CLOCK: variants seen among roughly 807,000 people sequenced by gnomAD.
The protein encoded by CLOCK is circadian locomoter output cycles protein kaput.
In CLOCK, 43 loss-of-function variants were observed where a neutral mutation model predicts 118.4. That is an observed-to-expected ratio of 0.36 (90% CI 0.28 to 0.47). The LOEUF (loss-of-function observed/expected upper bound fraction) is 0.47, where lower values mean the gene tolerates loss of function less well. Ranked by LOEUF, CLOCK falls within the 20% of genes least tolerant of loss-of-function variation. CLOCK has a pLI of 1.00. For synonymous variants in CLOCK, 326 were observed against 339.2 expected, an observed-to-expected ratio of 0.96 and a Z score of 0.43; for missense variants, 846 against 999.9, an observed-to-expected ratio of 0.85 and a Z score of 2.08.
chr4:55,545,357 A>C (rs1731543560), intron 1 of CLOCK: 2 of 152,176 alleles, frequency 1.3e-5, no homozygotes. Flanking sequence ...TCCTTTTAAG[A>C]ATGTTTATTT....
At chr4:55,470,956 C>G (rs536457674) in intron 7 of CLOCK, 150 bp from the exon 8 acceptor site, 1 of 626,138 alleles carries the variant, frequency 1.6e-6, no homozygotes, top group Non-Finnish European at 2.8e-6. Context: ...CTTTACAATA[C>G]CTTGGTATGT....
chr4:55,448,591 CGCACGCGCGCGTGT>C (rs1205030197), intron 18 of CLOCK, among the ~76,000 whole-genome samples, 174 bp downstream of exon 18: 1 of 81,048 alleles, frequency 1.2e-5, no homozygotes, highest in Non-Finnish European at 2.7e-5. Context: ...TGTGCGCGCG[CGCACGCGCGCGTGT>C]GTGTGTGTGT....
intron 2 of CLOCK, among the ~76,000 whole-genome samples, chr4:55,503,676 CT>C (rs2109998552): frequency 6.6e-6 from 1 of 152,026 alleles, no homozygotes; most frequent in Non-Finnish European, 1.5e-5. Context: ...GGTTATTTGA[CT>C]ATGAAATTAA....
Position 55,439,131 on chromosome 4 carries a change from G to A in CLOCK, c.2106-594C>T, listed in dbSNP as rs138483430. Among the ~76,000 whole-genome samples, 980 of 152,240 alleles carry A rather than the reference G, an allele frequency of 6.4e-3. 17 individuals are homozygous for A. Among genetic ancestry groups the A allele is most frequent in the African/African-American group, 0.022 (911 of 41,534 alleles). On this transcript the variant is annotated intron_variant, in intron 21 of 22. Coordinates refer to ENST00000513440, the MANE Select transcript of CLOCK (RefSeq NM_004898.4). ...ATATCATCCTTCTGATAAGGGATTAGTAACCAGAATGTCTAAGAGCTCCTT... is the reference window on the plus strand; with the variant it reads ...ATATCATCCTTCTGATAAGGGATTAATAACCAGAATGTCTAAGAGCTCCTT...
intron 22 of CLOCK, among the ~76,000 whole-genome samples, chr4:55,435,841 G>C (rs1722836852): frequency 6.6e-6 from 1 of 152,166 alleles, no homozygotes; most frequent in African/African-American, 2.4e-5. Context: ...GGTATAGAAA[G>C]CAATCTATAT....
intron 21 of CLOCK, among the ~76,000 whole-genome samples, chr4:55,439,198 GTCA>G (rs1018920593): frequency 6.6e-6 from 1 of 151,996 alleles, no homozygotes; most frequent in African/African-American, 2.4e-5. Flanking sequence ...ATGGGCAAAG[GTCA>G]AACTTGAACA....
intron 2 of CLOCK, among the ~76,000 whole-genome samples, chr4:55,507,729 T>A (rs11133392): frequency 0.34 from 51,423 of 152,058 alleles, 9,390 homozygotes; most frequent in East Asian, 0.58. Context: ...CTTTAAAGAA[T>A]GGGGAATGAT....
intron 7 of CLOCK, among the ~76,000 whole-genome samples, chr4:55,475,119 T>C (rs1726415843): frequency 6.6e-6 from 1 of 152,204 alleles, no homozygotes; most frequent in African/African-American, 2.4e-5. Context: ...TTCTGATTCA[T>C]GGGAGAAGGT....
chr4:55,483,904 C>T (rs1413485771), intron 3 of CLOCK, among the ~76,000 whole-genome samples: 1 of 152,102 alleles, frequency 6.6e-6, no homozygotes, highest in Non-Finnish European at 1.5e-5. Flanking sequence ...TCTCTATATT[C>T]TATAGGTTGA....
At chr4:55,508,230 T>A (rs1307303540) in intron 2 of CLOCK, among the ~76,000 whole-genome samples, 2 of 152,194 alleles carry the variant, frequency 1.3e-5, no homozygotes, top group Non-Finnish European at 2.9e-5. Flanking sequence ...TTTTAAGTAC[T>A]TAAGATGTTA....
chr4:55,527,324 G>C (rs547672950), intron 1 of CLOCK, among the ~76,000 whole-genome samples: 2 of 152,232 alleles, frequency 1.3e-5, no homozygotes, highest in Admixed American at 1.3e-4. Context: ...GGGTACATAG[G>C]AGTTCATTTT....
At chr4:55,537,097 A>G (rs1420016413) in intron 1 of CLOCK, among the ~76,000 whole-genome samples, 2 of 152,224 alleles carry the variant, frequency 1.3e-5, no homozygotes, top group Non-Finnish European at 2.9e-5. Flanking sequence ...TGAAAACTAT[A>G]TAACACACTT....
intron 18 of CLOCK, among the ~76,000 whole-genome samples, chr4:55,446,101 C>CTTT (rs766235766): frequency 3.0e-4 from 32 of 107,366 alleles, no homozygotes; most frequent in Non-Finnish European, 5.2e-4. Flanking sequence ...AATTTAACTT[C>CTTT]TTTTTTTTTT....
intron 5 of CLOCK, among the ~76,000 whole-genome samples, chr4:55,479,363 T>C (rs1726757203): frequency 6.6e-6 from 1 of 152,150 alleles, no homozygotes; most frequent in Non-Finnish European, 1.5e-5. Context: ...AACTTGATTA[T>C]TTATAAAACA....
chr4:55,535,291 A>C (rs74881106), intron 1 of CLOCK, among the ~76,000 whole-genome samples: 97 of 152,294 alleles, frequency 6.4e-4, no homozygotes, highest in East Asian at 1.2e-3. Flanking sequence ...ACATATATAC[A>C]TTATACCCCA....
At chr4:55,436,478 G>GTTC (rs1722884874) in intron 22 of CLOCK, among the ~76,000 whole-genome samples, 1 of 152,160 alleles carries the variant, frequency 6.6e-6, no homozygotes, top group South Asian at 2.1e-4. Context: ...AATGTTAACA[G>GTTC]AAAGAAAGTG....
At chr4:55,525,901 T>C (rs1730152989) in intron 1 of CLOCK, among the ~76,000 whole-genome samples, 1 of 151,068 alleles carries the variant, frequency 6.6e-6, no homozygotes, top group Non-Finnish European at 1.5e-5. Flanking sequence ...TTCCAGTGTG[T>C]ACTGATGGTA....
At chr4:55,446,257 C>T (rs554525905) in intron 18 of CLOCK, among the ~76,000 whole-genome samples, 16 of 152,108 alleles carry the variant, frequency 1.1e-4, no homozygotes, top group African/African-American at 3.9e-4. Context: ...CCATGCCCGG[C>T]TAATGTTTTT....
intron 18 of CLOCK, among the ~76,000 whole-genome samples, chr4:55,447,605 TA>T (rs1452456880): frequency 6.6e-6 from 1 of 152,196 alleles, no homozygotes; most frequent in East Asian, 1.9e-4. Flanking sequence ...GAATGCTTAC[TA>T]ACATTTTTGA....
Sources: gnomAD v4.1 joint callset for allele counts (sites outside exome capture counted in the v4.1 genomes callset) on GRCh38, gnomAD v4.1.1 for gene constraint, MANE v1.5 for transcripts, NCBI Gene and HGNC (gene_info 2026-07-23, HGNC 2026-07-21) for gene names.